The following TAOK1 variants were observed in gnomAD, a reference collection of about 807,000 sequenced individuals.
TAOK1 encodes serine/threonine-protein kinase TAO1.
In TAOK1, 21 loss-of-function variants were observed where a neutral mutation model predicts 138.3. The ratio of observed to expected loss-of-function variants is 0.15; its 90% CI spans 0.11 to 0.22. The LOEUF is 0.22. TAOK1 is among the 10% of genes least tolerant of loss of function. TAOK1 has a pLI of 1.00. For synonymous variants in TAOK1, 361 were observed against 398.4 expected (o/e 0.91, Z 1.12); for missense variants, 651 against 1,227.7 (o/e 0.53, Z 7.02).
Position 29,546,880 on chromosome 17 carries a change from G to A in TAOK1, c.*3858G>A, listed in dbSNP as rs1423500273. 2 of 152,116 alleles carry A rather than the reference G, an allele frequency of 1.3e-5. No homozygotes were observed. Among genetic ancestry groups the A allele is most frequent in the Non-Finnish European group, 2.9e-5 (2 of 67,988 alleles). The allele number at this position is 152,116 out of a possible 1,614,324, so 9.4% of individuals were successfully genotyped here. A position where few individuals can be genotyped will look rare whatever the true frequency, so the allele number is the denominator to read the frequency against. On this transcript the variant is annotated 3_prime_UTR_variant, in exon 20 of 20. Transcript: ENST00000261716. ...TTAAGAATGAGTACTCTGCGTTGAT[G>A]TTTATGAGAAGGTGGTCATTAGATG... is the stretch of plus-strand genomic sequence containing the variant.
chr17:29,537,790 T>C (rs2032248088), intron 19 of TAOK1, among the ~76,000 whole-genome samples: 1 of 152,180 alleles, frequency 6.6e-6, no homozygotes, highest in Non-Finnish European at 1.5e-5. Context: ...ATAACAACTT[T>C]ATAATAGTTT....
chr17:29,489,737 T>C lies in TAOK1; in HGVS notation c.729T>C (p.Pro243=), dbSNP rs1340395731. ...ATCACATAGCCCAAAATGAATCCCC[T>C]ACACTACAGTCTAATGAATGGTGAG... ...ALYHIAQNES[P]TLQSNEWSDY... is the part of the protein sequence containing the mutation. Residue 243 remains proline (P), a synonymous_variant, in exon 9 of 20, where the codon CCT becomes CCC. Transcript: ENST00000261716. 6.2e-7 allele frequency: 1 copy of C among 1,607,490 alleles called. No individual in the cohort carries two copies. Among genetic ancestry groups the C allele is most frequent in the African/African-American group, 1.3e-5 (1 of 74,666 alleles).
intron 12 of TAOK1, among the ~76,000 whole-genome samples, chr17:29,502,285 C>G: frequency 6.6e-6 from 1 of 152,182 alleles, no homozygotes; most frequent in Non-Finnish European, 1.5e-5. Context: ...ATAAAATTAG[C>G]CTGGCCTGAT....
At chr17:29,530,742 G>A in intron 18 of TAOK1, 123 bp downstream of exon 18, 1 of 786,036 alleles carries the variant, frequency 1.3e-6, no homozygotes, top group Non-Finnish European at 2.1e-6. Flanking sequence ...TGGGAAATGT[G>A]GTGGTGGTTC....
At chr17:29,504,703 A>T (rs1000571053) in intron 13 of TAOK1, among the ~76,000 whole-genome samples, 40 of 152,040 alleles carry the variant, frequency 2.6e-4, no homozygotes, top group African/African-American at 8.9e-4. Context: ...AAAAGAAAAT[A>T]TGATGGGGAA....
chr17:29,410,619 G>GT (rs61646352), intron 1 of TAOK1, among the ~76,000 whole-genome samples: 56,214 of 125,624 alleles, frequency 0.45, 13,166 homozygotes, highest in East Asian at 0.86. Context: ...AGGGTTTTTT[G>GT]TTTTTTTTTT....
intron 15 of TAOK1, chr17:29,514,121 C>T (rs906674329): frequency 5.9e-5 from 9 of 151,990 alleles, no homozygotes; most frequent in African/African-American, 2.2e-4. Flanking sequence ...GACTCTGCCT[C>T]GAAAAAGAAA....
At chr17:29,441,568 T>G (rs1206881978) in intron 1 of TAOK1, among the ~76,000 whole-genome samples, 2 of 152,208 alleles carry the variant, frequency 1.3e-5, no homozygotes, top group African/African-American at 2.4e-5. Flanking sequence ...TTGTTCATAT[T>G]ATTCTCATAT....
At chr17:29,423,020 G>A (rs555707606) in intron 1 of TAOK1, among the ~76,000 whole-genome samples, 6 of 151,792 alleles carry the variant, frequency 4.0e-5, no homozygotes, top group African/African-American at 4.8e-5. Context: ...GCAAGACACC[G>A]TTTCAACGAC....
In TAOK1 at chr17:29,508,005, A is replaced by G; in HGVS notation, c.1448A>G (p.Asn483Ser). 6.2e-7 allele frequency: 1 copy of G among 1,614,160 alleles called. No homozygotes were observed. The change falls in exon 14 of 20, where the codon AAC becomes AGC. Residue 483 changes from asparagine (N) to serine (S), a missense_variant. By Grantham distance (46) the Asn-to-Ser change is conservative. Transcript: ENST00000261716. Reference sequence around the variant, plus strand: ...CAAAAGCAACTGATGACTCTGGAAAACAAGCTAAAGGCTGAGATGGATGAA... The same window carrying G: ...CAAAAGCAACTGATGACTCTGGAAAGCAAGCTAAAGGCTGAGATGGATGAA... ...QHQKQLMTLE[N>S]KLKAEMDEHR... is the part of the protein sequence containing the mutation.
chr17:29,420,964 C>T (rs983397066), intron 1 of TAOK1, among the ~76,000 whole-genome samples: 1 of 151,950 alleles, frequency 6.6e-6, no homozygotes, highest in East Asian at 1.9e-4. Flanking sequence ...GTGTCTCGCT[C>T]TGTCATCTAG....
At chr17:29,448,279 G>T (rs1382342167) in intron 1 of TAOK1, among the ~76,000 whole-genome samples, 1 of 151,830 alleles carries the variant, frequency 6.6e-6, no homozygotes, top group Non-Finnish European at 1.5e-5. Flanking sequence ...ATGGCTATTA[G>T]GCGCTCTCAA....
intron 1 of TAOK1, among the ~76,000 whole-genome samples, chr17:29,419,266 G>A (rs1192446721): frequency 1.3e-5 from 2 of 151,512 alleles, no homozygotes; most frequent in African/African-American, 4.9e-5. Flanking sequence ...GCATGCTCTC[G>A]GCTCACCGCA....
intron 1 of TAOK1, among the ~76,000 whole-genome samples, chr17:29,419,533 T>C (rs1293371475): frequency 1.3e-5 from 2 of 149,780 alleles, no homozygotes; most frequent in East Asian, 3.9e-4. Flanking sequence ...CTCTCTGTTG[T>C]CTAGGCTGGA....
At chr17:29,522,138 C>T (rs1410345404) in intron 16 of TAOK1, 142 bp from the exon 17 acceptor site, 5 of 1,097,682 alleles carry the variant, frequency 4.6e-6, no homozygotes, top group Non-Finnish European at 5.0e-6. Flanking sequence ...AGGTAAAAGT[C>T]ACAACCCTCT....
intron 1 of TAOK1, among the ~76,000 whole-genome samples, chr17:29,427,069 G>A (rs1905664332): frequency 6.6e-6 from 1 of 152,130 alleles, no homozygotes; most frequent in Admixed American, 6.6e-5. Context: ...AAATAGATTC[G>A]GAAGGGTGGG....
intron 1 of TAOK1, among the ~76,000 whole-genome samples, chr17:29,398,884 A>T (rs191868915): frequency 1.3e-5 from 2 of 152,274 alleles, no homozygotes; most frequent in African/African-American, 2.4e-5. Flanking sequence ...AATGCTTGCT[A>T]AGTACTTAAC....
Position 29,534,322 on chromosome 17 carries a change from A to T in TAOK1, c.2544+22A>T, listed in dbSNP as rs148540843. The T allele has an allele frequency of 3.7e-3, 5,502 of 1,492,000 alleles. 20 individuals carry two copies. Among genetic ancestry groups the T allele is most frequent in the Non-Finnish European group, 4.4e-3 (4,921 of 1,118,226 alleles). The allele number at this position is 1,492,000 out of a possible 1,614,324, so 92.4% of individuals were successfully genotyped here. On this transcript the variant is annotated intron_variant, in intron 19 of 19. Coordinates refer to ENST00000261716, the MANE Select transcript of TAOK1 (RefSeq NM_020791.4). ...AAAGGTATAAGTAATAGAAGGAAAA[A>T]TCATTGTTTTCGAATTAGCTTTTGT... is the stretch of plus-strand genomic sequence containing the variant.
chr17:29,470,564 A>G (rs2030790866), intron 3 of TAOK1, among the ~76,000 whole-genome samples: 1 of 152,196 alleles, frequency 6.6e-6, no homozygotes, highest in Non-Finnish European at 1.5e-5. Context: ...TGGACTTTTG[A>G]AGAAAAATCA....
Sources: allele counts gnomAD v4.1 joint callset (sites outside exome capture counted in the v4.1 genomes callset), GRCh38; gene constraint gnomAD v4.1.1; transcripts MANE v1.5; gene names NCBI Gene and HGNC (gene_info 2026-07-23, HGNC 2026-07-21).